Variants in AIG1 observed in about 807,000 individuals in gnomAD.
AIG1 encodes androgen induced 1, also known as androgen-induced gene 1 protein.
AIG1 carries 23 observed loss-of-function variants against 31.4 expected under a neutral mutation model. The ratio of observed to expected loss-of-function variants is 0.73; its 90% CI spans 0.53 to 1.04. The LOEUF (loss-of-function observed/expected upper bound fraction) is 1.04. AIG1 is among the 50% of genes least tolerant of loss of function. The pLI is 0.00. For synonymous variants in AIG1, 100 were observed against 110.5 expected, an observed-to-expected ratio of 0.90 and a Z score of 0.60; for missense variants, 274 against 295.0, an observed-to-expected ratio of 0.93 and a Z score of 0.52.
At chr6:143,295,704 G>A (rs1321191447) in intron 4 of AIG1, among the ~76,000 whole-genome samples, 1 of 151,888 alleles carries the variant, frequency 6.6e-6, no homozygotes, top group Admixed American at 6.6e-5. Flanking sequence ...TCCAGACTTG[G>A]TTCAGCTTCT....
At chr6:143,196,654 G>A (rs773928848) in intron 3 of AIG1, among the ~76,000 whole-genome samples, 1 of 152,114 alleles carries the variant, frequency 6.6e-6, no homozygotes, top group Non-Finnish European at 1.5e-5. Context: ...GGCTCCAGGC[G>A]TTGACTGTTT....
At chr6:143,289,795 A>G (rs552766596) in intron 4 of AIG1, among the ~76,000 whole-genome samples, 24 of 152,338 alleles carry the variant, frequency 1.6e-4, no homozygotes, top group African/African-American at 5.8e-4. Context: ...CTCAAATTTT[A>G]AAGTCTTAGA....
intron 1 of AIG1, among the ~76,000 whole-genome samples, chr6:143,133,297 G>A (rs1343940639): frequency 1.3e-5 from 2 of 152,060 alleles, no homozygotes; most frequent in African/African-American, 4.8e-5. Context: ...CTATGTTAGT[G>A]CCACTATTTA....
intron 3 of AIG1, among the ~76,000 whole-genome samples, chr6:143,220,301 T>A (rs1166086316): frequency 1.3e-5 from 2 of 152,170 alleles, no homozygotes; most frequent in African/African-American, 4.8e-5. Flanking sequence ...ATTTAGTCAG[T>A]TTGTTATATT....
intron 3 of AIG1, among the ~76,000 whole-genome samples, chr6:143,212,849 G>A (rs1272458860): frequency 2.0e-5 from 3 of 152,108 alleles, no homozygotes; most frequent in Non-Finnish European, 4.4e-5. Flanking sequence ...AATTTGAAAG[G>A]CATATATGCC....
At chr6:143,107,098 A>T (rs1215997806) in intron 1 of AIG1, among the ~76,000 whole-genome samples, 1 of 152,336 alleles carries the variant, frequency 6.6e-6, no homozygotes, top group South Asian at 2.1e-4. Flanking sequence ...AAGTCCCATC[A>T]ATTACCCTCA....
intron 4 of AIG1, among the ~76,000 whole-genome samples, chr6:143,308,577 G>A (rs1301004573): frequency 6.6e-6 from 1 of 152,128 alleles, no homozygotes; most frequent in African/African-American, 2.4e-5. Flanking sequence ...GCTTTGTTAT[G>A]CTGTCTGGCT....
rs374977370 is a variant in AIG1 at position 143,109,624 on chromosome 6, G to C, written c.142-27211G>C. ...TTGTGATTTTAATTTGGATTTCTCT[G>C]ATCACTAGTATTGTTAATCATTTTT... is the stretch of plus-strand genomic sequence containing the variant. On this transcript the variant is annotated intron_variant, in intron 1 of 5. Transcript: ENST00000357847. Among the ~76,000 whole-genome samples the C allele has an allele frequency of 1.3e-3, 195 of 152,058 alleles. 5 individuals are homozygous for C. In the South Asian group the frequency reaches 0.039, roughly 30 times the overall value.
intron 1 of AIG1, among the ~76,000 whole-genome samples, chr6:143,069,269 G>T (rs1035707720): frequency 3.3e-5 from 5 of 152,104 alleles, no homozygotes; most frequent in Non-Finnish European, 5.9e-5. Flanking sequence ...CACCTGCCTT[G>T]GCCTCCCGAA....
intron 1 of AIG1, among the ~76,000 whole-genome samples, chr6:143,064,096 G>T (rs767068521): frequency 6.6e-6 from 1 of 152,138 alleles, no homozygotes; most frequent in Non-Finnish European, 1.5e-5. Context: ...GCAGAATAAT[G>T]GGCCTCCAAA....
intron 3 of AIG1, among the ~76,000 whole-genome samples, chr6:143,208,619 A>G (rs752924255): frequency 6.6e-6 from 1 of 152,190 alleles, no homozygotes; most frequent in East Asian, 1.9e-4. Context: ...ATCCAGCAAA[A>G]TAGTGGCATC....
At chr6:143,074,236 T>G (rs965964323) in intron 1 of AIG1, among the ~76,000 whole-genome samples, 1 of 152,228 alleles carries the variant, frequency 6.6e-6, no homozygotes. Context: ...AGACTTTTAG[T>G]TTGATGTAGT....
intron 3 of AIG1, among the ~76,000 whole-genome samples, chr6:143,266,449 C>T (rs1277974500): frequency 6.6e-6 from 1 of 151,470 alleles, no homozygotes; most frequent in Non-Finnish European, 1.5e-5. Flanking sequence ...GGGATACTTA[C>T]TGTATTATGT....
chr6:143,314,395 A>G (rs1294953017), intron 4 of AIG1, among the ~76,000 whole-genome samples: 3 of 151,900 alleles, frequency 2.0e-5, no homozygotes, highest in Non-Finnish European at 2.9e-5. Context: ...AACTGTCTTT[A>G]TTTATATAGA....
intron 3 of AIG1, among the ~76,000 whole-genome samples, chr6:143,248,363 C>A (rs542179079): frequency 9.9e-5 from 15 of 152,226 alleles, no homozygotes; most frequent in South Asian, 4.2e-4. Flanking sequence ...TTTGAAGGCA[C>A]AGTTTTATGT....
chr6:143,217,788 C>T (rs1187892818), intron 3 of AIG1, among the ~76,000 whole-genome samples: 12 of 152,166 alleles, frequency 7.9e-5, no homozygotes, highest in East Asian at 3.9e-4. Context: ...GGATTACAGG[C>T]GTAAGCCACC....
At position 143,187,846 on chromosome 6, in the gene AIG1, A is replaced by C. The variant is rs1583456940; in HGVS notation, c.399+22663A>C. On this transcript the variant is annotated intron_variant, in intron 3 of 5. Transcript: ENST00000357847. ...GGCCTTCAAGAAGTGCCATTTCTCA[A>C]GCGATGTACAGAAGGGTATCCGCAG... The C allele has an allele frequency of 2.1e-6, 3 of 1,452,318 alleles. No homozygotes were observed. In the South Asian group the frequency reaches 4.4e-5, roughly 21 times the overall value. 90.0% of individuals were successfully genotyped at this position (1,452,318 alleles called of 1,614,324 possible).
chr6:143,199,466 A>G (rs1262209166), intron 3 of AIG1, among the ~76,000 whole-genome samples: 5 of 152,132 alleles, frequency 3.3e-5, no homozygotes, highest in African/African-American at 4.8e-5. Context: ...TTCTACTTTT[A>G]TGTGTATTTG....
At chr6:143,185,015 G>T (rs191092721) in intron 3 of AIG1, among the ~76,000 whole-genome samples, 5 of 152,132 alleles carry the variant, frequency 3.3e-5, no homozygotes, top group African/African-American at 7.2e-5. Context: ...GGCCGACATG[G>T]TGAAACCCGG....
Sources: allele counts gnomAD v4.1 joint callset (sites outside exome capture counted in the v4.1 genomes callset), GRCh38; gene constraint gnomAD v4.1.1; transcripts MANE v1.5; gene names NCBI Gene and HGNC (gene_info 2026-07-23, HGNC 2026-07-21).